Variants in PDLIM5 observed in about 807,000 individuals in gnomAD.
The protein encoded by PDLIM5 is PDZ and LIM domain 5, also known as PDZ and LIM domain protein 5.
In PDLIM5, 34 loss-of-function variants were observed where a neutral mutation model predicts 64.2. The observed-to-expected ratio is 0.53, with a 90% CI of 0.40 to 0.71. The LOEUF is 0.71. Ranked by LOEUF, PDLIM5 falls within the 30% of genes least tolerant of loss-of-function variation. The pLI is 0.00. For synonymous variants in PDLIM5, 253 were observed against 269.1 expected (o/e 0.94, Z 0.59); for missense variants, 683 against 733.6 (o/e 0.93, Z 0.80).
chr4:94,547,940 A>G (rs937206092), intron 3 of PDLIM5, among the ~76,000 whole-genome samples: 1 of 152,166 alleles, frequency 6.6e-6, no homozygotes, highest in Non-Finnish European at 1.5e-5. Context: ...CACTCCTGGT[A>G]AGTACAGTCC....
chr4:94,527,625 A>G (rs1418065862), intron 3 of PDLIM5, among the ~76,000 whole-genome samples: 2 of 151,936 alleles, frequency 1.3e-5, no homozygotes. Flanking sequence ...TGAGTGAAAC[A>G]GGATTGGGAA....
intron 3 of PDLIM5, among the ~76,000 whole-genome samples, chr4:94,544,348 T>TG (rs1045315688): frequency 8.5e-5 from 13 of 152,308 alleles, no homozygotes; most frequent in African/African-American, 2.6e-4. Context: ...CACATCTCTT[T>TG]GGGGGGCCAC....
At chr4:94,629,045 A>T (rs1490333329) in intron 8 of PDLIM5, among the ~76,000 whole-genome samples, 2 of 152,100 alleles carry the variant, frequency 1.3e-5, no homozygotes, top group African/African-American at 4.8e-5. Flanking sequence ...GAACAGTGAT[A>T]TTAAGATGAT....
At chr4:94,573,219 A>T in intron 3 of PDLIM5, 132 bp from the exon 4 acceptor site, 1 of 679,180 alleles carries the variant, frequency 1.5e-6, no homozygotes, top group Non-Finnish European at 2.5e-6. Context: ...AAAACTATGA[A>T]TTATGAAACG....
intron 11 of PDLIM5, among the ~76,000 whole-genome samples, chr4:94,659,281 A>C (rs1742461803): frequency 6.6e-6 from 1 of 152,080 alleles, no homozygotes; most frequent in Non-Finnish European, 1.5e-5. Context: ...TCCAATCTAA[A>C]TAGGAAATTC....
chr4:94,540,989 C>T (rs112244532), intron 3 of PDLIM5, among the ~76,000 whole-genome samples: 1,781 of 152,228 alleles, frequency 0.012, 37 homozygotes, highest in African/African-American at 0.04. Context: ...GTCATCAGAA[C>T]GATACAAACT....
chr4:94,624,153 A>G (rs931889480), intron 8 of PDLIM5, among the ~76,000 whole-genome samples: 1 of 142,628 alleles, frequency 7.0e-6, no homozygotes, highest in Admixed American at 7.1e-5. Flanking sequence ...TCCACAAATT[A>G]AAAAAAAAAA....
chr4:94,536,476 C>T (rs1053587322), intron 3 of PDLIM5, among the ~76,000 whole-genome samples: 12 of 152,150 alleles, frequency 7.9e-5, no homozygotes, highest in Non-Finnish European at 1.8e-4. Context: ...GGCATGCTCA[C>T]AAATTAAGTG....
At chr4:94,520,611 T>C (rs1387521303) in intron 2 of PDLIM5, among the ~76,000 whole-genome samples, 1 of 152,220 alleles carries the variant, frequency 6.6e-6, no homozygotes. Flanking sequence ...GTTCTGGAGA[T>C]AAATGAAGCT....
At chr4:94,568,689 A>G (rs1293446607) in intron 3 of PDLIM5, among the ~76,000 whole-genome samples, 3 of 152,200 alleles carry the variant, frequency 2.0e-5, no homozygotes, top group Non-Finnish European at 4.4e-5. Flanking sequence ...AATTACAGCA[A>G]TAAGTTTTCT....
At chr4:94,633,492 C>G (rs1391699277) in intron 8 of PDLIM5, among the ~76,000 whole-genome samples, 4 of 152,086 alleles carry the variant, frequency 2.6e-5, no homozygotes, top group African/African-American at 9.7e-5. Flanking sequence ...TAACATTTTC[C>G]TTGCTTTCTA....
Position 94,585,687 on chromosome 4 carries a change from C to G in PDLIM5, c.833C>G (p.Thr278Ser). 1 of 1,613,866 alleles carries G rather than the reference C, an allele frequency of 6.2e-7. No individual in the cohort carries two copies. Among genetic ancestry groups the G allele is most frequent in the Non-Finnish European group, 8.5e-7 (1 of 1,179,830 alleles). The change falls in exon 6 of 13, where the codon ACT becomes AGT. Residue 278 changes from threonine to serine, a missense_variant. Physicochemically the swap from Thr to Ser is moderately conservative, Grantham distance 58. Transcript: ENST00000317968. ...GACTGGCGTCCAAGGACTGGAACAA[C>G]TCAGTCTCGCTCTTTCCGAATCCTT... ...TEDWRPRTGT[T>S]QSRSFRILAQ...
chr4:94,461,353 G>T (rs918485411), intron 2 of PDLIM5, among the ~76,000 whole-genome samples: 6 of 152,150 alleles, frequency 3.9e-5, no homozygotes, highest in African/African-American at 1.4e-4. Flanking sequence ...TAATGGAAAT[G>T]AAAAGAGAAA....
At chr4:94,657,347 A>T in intron 10 of PDLIM5, 80 bp from the exon 11 acceptor site, 1 of 1,010,208 alleles carries the variant, frequency 9.9e-7, no homozygotes, top group Non-Finnish European at 1.5e-6. Context: ...ACAGGGATTT[A>T]CTGGTACAGA....
intron 3 of PDLIM5, among the ~76,000 whole-genome samples, chr4:94,565,031 T>C (rs761574381): frequency 1.3e-5 from 2 of 152,172 alleles, no homozygotes; most frequent in Non-Finnish European, 2.9e-5. Flanking sequence ...TAAATATTTG[T>C]GGAACTAATT....
chr4:94,555,780 T>G (rs1237795604), intron 3 of PDLIM5, among the ~76,000 whole-genome samples: 2 of 152,036 alleles, frequency 1.3e-5, no homozygotes, highest in Non-Finnish European at 2.9e-5. Context: ...TTCATAGATT[T>G]CTTCATTTAA....
At chr4:94,526,314 G>T (rs1730347004) in intron 3 of PDLIM5, among the ~76,000 whole-genome samples, 1 of 152,070 alleles carries the variant, frequency 6.6e-6, no homozygotes, top group Non-Finnish European at 1.5e-5. Context: ...TTCTAATAAA[G>T]ATTCTTTAAG....
At chr4:94,661,531 G>A (rs1742712751) in intron 11 of PDLIM5, among the ~76,000 whole-genome samples, 1 of 152,124 alleles carries the variant, frequency 6.6e-6, no homozygotes, top group African/African-American at 2.4e-5. Flanking sequence ...TTCTGGCTAA[G>A]GGTTTTCAAC....
At chr4:94,486,158 T>C (rs150501073) in intron 2 of PDLIM5, among the ~76,000 whole-genome samples, 71 of 152,306 alleles carry the variant, frequency 4.7e-4, no homozygotes, top group African/African-American at 1.4e-3. Context: ...AACATCTAAC[T>C]TAGTATTAGC....
Sources: allele counts gnomAD v4.1 joint callset (sites outside exome capture counted in the v4.1 genomes callset), GRCh38; gene constraint gnomAD v4.1.1; transcripts MANE v1.5; gene names NCBI Gene and HGNC (gene_info 2026-07-23, HGNC 2026-07-21).